LTBP3: variants seen among roughly 807,000 people sequenced by gnomAD.
LTBP3 encodes the protein latent-transforming growth factor beta-binding protein 3.
Under a neutral mutation model 159.7 loss-of-function variants are expected in LTBP3, and 97 were observed. The ratio of observed to expected loss-of-function variants is 0.61; its 90% CI spans 0.52 to 0.72. LTBP3 has a LOEUF of 0.72. Among genes scored for constraint, LTBP3 ranks in the 30% least tolerant of loss-of-function variants. The pLI is 0.00. For missense variants in LTBP3, 1,584 were observed against 1,864.3 expected, an observed-to-expected ratio of 0.85 and a Z score of 2.77; for synonymous variants, 824 against 777.1, an observed-to-expected ratio of 1.06 and a Z score of -1.00.
chr11:65,551,030 A>G lies in LTBP3; in HGVS notation c.1720+96T>C, dbSNP rs995400856. On this transcript the variant is annotated intron_variant, in intron 11 of 27. Transcript: ENST00000301873. ...CCCAGCCCTGGATACACGCTAGCCT[A>G]TTAGCGCTAGGGAATGCCTGGGGGC... is the stretch of plus-strand genomic sequence containing the variant. 8.3e-6 allele frequency: 6 copies of G among 724,660 alleles called. No homozygotes were observed. In the East Asian group the frequency reaches 1.0e-4, roughly 12 times the overall value. 44.9% of individuals were successfully genotyped at this position (724,660 alleles called of 1,614,324 possible). A position where few individuals can be genotyped will look rare whatever the true frequency, so the allele number is the denominator to read the frequency against.
chr11:65,551,690 G>A, intron 8 of LTBP3, 126 bp from the exon 9 acceptor site: 1 of 1,253,602 alleles, frequency 8.0e-7, no homozygotes, highest in Non-Finnish European at 1.2e-6. Flanking sequence ...CCAGGTCAAG[G>A]GTCAGGGGTT....
rs1253414531 is a variant in LTBP3, at chr11:65,540,017, C to T, written c.3381G>A (p.Pro1127=). Reference sequence around the variant, plus strand: ...AAGGCCAACCCTCGCCCTCACCGGCCGGGCTCTCGGGGAGCTGGCAATCGC... The same window carrying T: ...AAGGCCAACCCTCGCCCTCACCGGCTGGGCTCTCGGGGAGCTGGCAATCGC... ...SGRDCQLPES[P]AERAPERRDV... is the part of the protein sequence containing the mutation. The change falls in exon 24 of 28, where the codon CCG becomes CCA. Residue 1127 remains proline, a synonymous_variant. Transcript: ENST00000301873. 2.7e-6 allele frequency: 4 copies of T among 1,498,160 alleles called. No homozygotes were observed. The highest frequency in any genetic ancestry group is 2.0e-4 in the Middle Eastern group (1 of 5,004). The allele number at this position is 1,498,160 out of a possible 1,614,324, so 92.8% of individuals were successfully genotyped here.
chr11:65,543,026 T>G, intron 18 of LTBP3, 79 bp downstream of exon 18: 1 of 1,586,448 alleles, frequency 6.3e-7, no homozygotes, highest in Non-Finnish European at 8.6e-7. Flanking sequence ...GATGGATGGA[T>G]GGAGAAAGGC....
In LTBP3 at chr11:65,540,605, T is replaced by C; in HGVS notation, c.2987A>G (p.Glu996Gly). The C allele has an allele frequency of 6.2e-7, 1 of 1,607,572 alleles. No homozygotes were observed. The highest frequency in any genetic ancestry group is 8.5e-7 in the Non-Finnish European group (1 of 1,176,850). ...YGIPAHRDIDECMLFGSEICK... is the reference protein window; with the variant it reads ...YGIPAHRDIDGCMLFGSEICK... ...AATCTCCGACCCGAACAACATGCAC[T>C]CGTCGATGTCTGCGGGGTGACAAAC... Residue 996 changes from glutamate to glycine, a missense_variant, in exon 22 of 28, where the codon GAG becomes GGG. Around this residue, in one of 6 missense-constraint regions of LTBP3, gnomAD observed 514 missense variants for 530.3 expected, o/e 0.97. Coordinates refer to ENST00000301873, the MANE Select transcript of LTBP3 (RefSeq NM_001130144.3).
chr11:65,555,360 G>T (rs973142660), intron 1 of LTBP3, among the ~76,000 whole-genome samples: 10 of 152,128 alleles, frequency 6.6e-5, no homozygotes, highest in African/African-American at 2.2e-4. Flanking sequence ...AAATGTGCCT[G>T]CCTCCTGCCT....
At position 65,547,482 on chromosome 11, in the gene LTBP3, G is replaced by T; in HGVS notation, c.2064C>A (p.Tyr688Ter). 1.9e-6 allele frequency: 3 copies of T among 1,614,172 alleles called. No individual in the cohort carries two copies. Among genetic ancestry groups the T allele is most frequent in the Non-Finnish European group, 2.5e-6 (3 of 1,180,022 alleles). Residue 688 changes from tyrosine to a stop codon, truncating the protein, a stop_gained, in exon 14 of 28, where the codon TAC becomes TAA. Transcript: ENST00000301873. LOFTEE classifies it high-confidence loss of function. The surrounding 1 kb of genome is among the most constrained non-coding windows in gnomAD (Gnocchi z 4.6). Reference protein sequence around the residue: ...NFPGHYKCNCYPGYRLKASRP... With the variant: ...NFPGHYKCNC ...GGGAGGCTTTGAGCCGGTAGCCGGG[G>T]TAGCAGTTGCACTTGTAGTGACCGG... is the stretch of plus-strand genomic sequence containing the variant.
In LTBP3 at chr11:65,554,922, G is replaced by C. The variant is rs1856756812; in HGVS notation, c.332-542C>G. Among the ~76,000 whole-genome samples the C allele has an allele frequency of 6.6e-6, 1 of 151,948 alleles. No individual in the cohort carries two copies. Among genetic ancestry groups the C allele is most frequent in the Non-Finnish European group, 1.5e-5 (1 of 67,988 alleles). ...GGGCGCCCACCTCACCACTGCCAAA[G>C]ATGTCCACATCTCAAGACACAGACA... On this transcript the variant is annotated intron_variant, in intron 1 of 27. Transcript: ENST00000301873. The surrounding 1 kb of genome is among the most constrained non-coding windows in gnomAD (Gnocchi z 5.3).
chr11:65,558,128 A>G lies in LTBP3; in HGVS notation c.-169T>C. The G allele has an allele frequency of 9.3e-7, 1 of 1,080,260 alleles. No individual in the cohort carries two copies. Among genetic ancestry groups the G allele is most frequent in the African/African-American group, 1.7e-5 (1 of 60,144 alleles). 66.9% of individuals were successfully genotyped at this position (1,080,260 alleles called of 1,614,324 possible). A position where few individuals can be genotyped will look rare whatever the true frequency, so the allele number is the denominator to read the frequency against. On this transcript the variant is annotated 5_prime_UTR_variant, in exon 1 of 28. Transcript: ENST00000301873. Reference sequence around the variant, plus strand: ...CGCGGGGGCCCGGCGGGAGGCGCGGAGATGCAGACTGGACAGCGGGGAGCG... The same window carrying G: ...CGCGGGGGCCCGGCGGGAGGCGCGGGGATGCAGACTGGACAGCGGGGAGCG...
Position 65,546,691 on chromosome 11 carries a change from G to A in LTBP3, c.2230+107C>T. 1 of 1,526,288 alleles carries A rather than the reference G, an allele frequency of 6.6e-7. No homozygotes were observed. 94.5% of individuals were successfully genotyped at this position (1,526,288 alleles called of 1,614,324 possible). The stretch of plus-strand genomic sequence containing the variant: ...GCAGCCTCTACTCCCGGAAGGCCCC[G>A]CCCCCAGACGCCAATCACCACCGCT... On this transcript the variant is annotated intron_variant, in intron 15 of 27. Transcript: ENST00000301873. This position sits in a 1 kb window ranked among gnomAD's most constrained non-coding sequence, Gnocchi z 4.0.
intron 1 of LTBP3, among the ~76,000 whole-genome samples, chr11:65,556,304 G>C (rs1033383298): frequency 1.3e-5 from 2 of 152,128 alleles, no homozygotes; most frequent in African/African-American, 4.8e-5. Context: ...GAGGCAGGTA[G>C]ATCACTCGAG....
In LTBP3 at chr11:65,546,338, G is replaced by T. The variant is rs540318728; in HGVS notation, c.2353+104C>A. On this transcript the variant is annotated intron_variant, in intron 16 of 27. Transcript: ENST00000301873. This position sits in a 1 kb window ranked among gnomAD's most constrained non-coding sequence, Gnocchi z 4.0. ...TGAGTGAGCAGAGTCACCTGGGGAT[G>T]AATGAGCCACCTTCCACCCACTGTT... 512 of 1,346,848 alleles carry T rather than the reference G, an allele frequency of 3.8e-4. 4 individuals are homozygous for T. The African/African-American group carries it at 7.1e-3, about 19-fold the overall frequency. 83.4% of individuals were successfully genotyped at this position (1,346,848 alleles called of 1,614,324 possible).
chr11:65,546,645 C>T lies in LTBP3; in HGVS notation c.2231-81G>A. 6.3e-7 allele frequency: 1 copy of T among 1,586,270 alleles called. No individual in the cohort carries two copies. Among genetic ancestry groups the T allele is most frequent in the Non-Finnish European group, 8.5e-7 (1 of 1,174,294 alleles). On this transcript the variant is annotated intron_variant, in intron 15 of 27. Coordinates refer to ENST00000301873, the MANE Select transcript of LTBP3 (RefSeq NM_001130144.3). The surrounding 1 kb of genome is among the most constrained non-coding windows in gnomAD (Gnocchi z 4.0). ...CCTCGCGGGGGTGTGGGTCTCTTCC[C>T]TGGAACGCGGGGTTGAGAGGGCAGC...
chr11:65,538,886 C>G lies in LTBP3; in HGVS notation c.*194G>C. 1 of 1,095,168 alleles carries G rather than the reference C, an allele frequency of 9.1e-7. No individual in the cohort carries two copies. Among genetic ancestry groups the G allele is most frequent in the Non-Finnish European group, 1.2e-6 (1 of 827,774 alleles). The allele number at this position is 1,095,168 out of a possible 1,614,324, so 67.8% of individuals were successfully genotyped here. A position where few individuals can be genotyped will look rare whatever the true frequency, so the allele number is the denominator to read the frequency against. ...CTGGGAGGAAGGCAGGCAGCGCCCGCCGGAGACCTTACAACCGCCCGCTAA... is the reference window on the plus strand; with the variant it reads ...CTGGGAGGAAGGCAGGCAGCGCCCGGCGGAGACCTTACAACCGCCCGCTAA... On this transcript the variant is annotated 3_prime_UTR_variant, in exon 28 of 28. Coordinates refer to ENST00000301873, the MANE Select transcript of LTBP3 (RefSeq NM_001130144.3).
chr11:65,551,160 G>A lies in LTBP3; in HGVS notation c.1686C>T (p.Arg562=). 1 of 1,553,966 alleles carries A rather than the reference G, an allele frequency of 6.4e-7. No homozygotes were observed. The highest frequency in any genetic ancestry group is 2.4e-5 in the East Asian group (1 of 41,092). ...RWFLPDLPPS[R]SAVEIAPTQV... ...GAGTGGGAGCGATCTCTACGGCGCT[G>A]CGGGAAGGAGGCAAGTCCGGCAGGA... Residue 562 remains arginine, a synonymous_variant, in exon 11 of 28, where the codon CGC becomes CGT. Transcript: ENST00000301873.
Position 65,543,779 on chromosome 11 carries a change from G to A in LTBP3, c.2354-230C>T, listed in dbSNP as rs578258968. 255 of 562,322 alleles carry A rather than the reference G, an allele frequency of 4.5e-4. 1 individual carries two copies. The highest frequency in any genetic ancestry group is 6.2e-4 in the Non-Finnish European group (195 of 313,750). The allele number at this position is 562,322 out of a possible 1,614,324, so 34.8% of individuals were successfully genotyped here. Reference sequence around the variant, plus strand: ...CTAAAGAGCCTCCCCAGCCTCCCCCGCCCTCTCTCCCTGCCCCAGCCGCTT... The same window carrying A: ...CTAAAGAGCCTCCCCAGCCTCCCCCACCCTCTCTCCCTGCCCCAGCCGCTT... On this transcript the variant is annotated intron_variant, in intron 16 of 27. Coordinates refer to ENST00000301873, the MANE Select transcript of LTBP3 (RefSeq NM_001130144.3).
In LTBP3 at chr11:65,557,983, G is replaced by T. The variant is rs757073399; in HGVS notation, c.-24C>A. The T allele has an allele frequency of 1.4e-5, 16 of 1,124,636 alleles. No individual in the cohort carries two copies. The highest frequency in any genetic ancestry group is 8.5e-5 in the South Asian group (2 of 23,516). 69.7% of individuals were successfully genotyped at this position (1,124,636 alleles called of 1,614,324 possible). A position where few individuals can be genotyped will look rare whatever the true frequency, so the allele number is the denominator to read the frequency against. On this transcript the variant is annotated 5_prime_UTR_variant, in exon 1 of 28. Coordinates refer to ENST00000301873, the MANE Select transcript of LTBP3 (RefSeq NM_001130144.3). Reference sequence around the variant, plus strand: ...ATCCGGGGCCGCAGGACCCGGGGGAGGGGGGGCGCGCCCGGGCGGGGCGAG... The same window carrying T: ...ATCCGGGGCCGCAGGACCCGGGGGATGGGGGGCGCGCCCGGGCGGGGCGAG...
Position 65,552,062 on chromosome 11 carries a change from A to G in LTBP3, c.1441T>C (p.Phe481Leu), listed in dbSNP as rs536941687. ...TIQGESDFSL[F>L]LHPDGPPKPQ... ...TTGGGTGGCCCGTCAGGGTGCAGGA[A>G]AAGGGAAAAGTCACTCTCGCCCTGA... is the stretch of plus-strand genomic sequence containing the variant. Residue 481 changes from phenylalanine (F) to leucine (L), a missense_variant, in exon 8 of 28, where the codon TTC becomes CTC. By Grantham distance (22) the Phe-to-Leu change is conservative (BLOSUM62 0). Transcript: ENST00000301873. The surrounding 1 kb of genome is among the most constrained non-coding windows in gnomAD (Gnocchi z 6.0). 4.3e-6 allele frequency: 7 copies of G among 1,613,956 alleles called. No individual in the cohort carries two copies. The highest frequency in any genetic ancestry group is 5.9e-6 in the Non-Finnish European group (7 of 1,179,994).
intron 11 of LTBP3, chr11:65,548,347 C>T: frequency 3.4e-6 from 2 of 591,750 alleles, no homozygotes; most frequent in South Asian, 4.0e-5. Flanking sequence ...CACATCCCCT[C>T]AGGGCCCCTC....
At position 65,540,219 on chromosome 11, in the gene LTBP3, A is replaced by G. The variant is rs1856036247; in HGVS notation, c.3244+26T>C. ...GGCCCGGGCCCCGCCCCTCCCGCGTACCCCACTCCCCGGCCCGGGCCTCAC... is the reference window on the plus strand; with the variant it reads ...GGCCCGGGCCCCGCCCCTCCCGCGTGCCCCACTCCCCGGCCCGGGCCTCAC... On this transcript the variant is annotated intron_variant, in intron 23 of 27. Transcript: ENST00000301873. 1.9e-6 allele frequency: 3 copies of G among 1,545,712 alleles called. No individual in the cohort carries two copies. The African/African-American group carries it at 4.2e-5, about 21-fold the overall frequency.
Sources: gnomAD v4.1 joint callset for allele counts (sites outside exome capture counted in the v4.1 genomes callset) on GRCh38, gnomAD v4.1.1 for gene constraint, gnomAD v4.1.1 regional missense constraint, Gnocchi (gnomAD v3.1) non-coding constraint, MANE v1.5 for transcripts, NCBI Gene and HGNC (gene_info 2026-07-23, HGNC 2026-07-21) for gene names.